The following PALM variants were observed in gnomAD, a reference collection of about 807,000 sequenced individuals.
PALM encodes paralemmin, also known as paralemmin-1.
A neutral mutation model predicts 30.7 loss-of-function variants in PALM; 18 were observed. The ratio of observed to expected loss-of-function variants is 0.59; its 90% CI spans 0.41 to 0.87. The LOEUF is 0.87. PALM is among the 40% of genes least tolerant of loss of function. PALM has a pLI of 0.00. For synonymous variants in PALM, 286 were observed against 242.8 expected, an observed-to-expected ratio of 1.18 and a Z score of -1.66; for missense variants, 529 against 555.4, an observed-to-expected ratio of 0.95 and a Z score of 0.48.
intron 3 of PALM, 90 bp from the exon 4 acceptor site, chr19:727,474 C>T (rs2032723681): frequency 9.9e-6 from 11 of 1,105,734 alleles, no homozygotes; most frequent in South Asian, 5.4e-5. Context: ...GCCTCAACCC[C>T]GACCCTGATC....
intron 1 of PALM, among the ~76,000 whole-genome samples, chr19:718,325 G>T (rs1443853627): frequency 6.6e-6 from 1 of 152,254 alleles, no homozygotes; most frequent in Non-Finnish European, 1.5e-5. Flanking sequence ...GCCCGGGGAG[G>T]TCTGGGTGAC....
intron 1 of PALM, among the ~76,000 whole-genome samples, chr19:716,816 A>G (rs2032276670): frequency 6.6e-6 from 1 of 152,154 alleles, no homozygotes; most frequent in African/African-American, 2.4e-5. Context: ...ACAGGTATGT[A>G]TACACACGTC....
intron 1 of PALM, among the ~76,000 whole-genome samples, chr19:713,875 C>A (rs2032164884): frequency 6.6e-6 from 1 of 150,844 alleles, no homozygotes; most frequent in South Asian, 2.1e-4. Flanking sequence ...AGCCACCATG[C>A]CCAGCCTATG....
chr19:710,219 A>T (rs2032026817), intron 1 of PALM, among the ~76,000 whole-genome samples: 1 of 151,706 alleles, frequency 6.6e-6, no homozygotes, highest in South Asian at 2.1e-4. Context: ...TTCCCCGGGG[A>T]TTCACCCGTG....
intron 1 of PALM, chr19:722,758 G>A (rs1226219911): frequency 6.6e-6 from 1 of 152,294 alleles, no homozygotes; most frequent in Non-Finnish European, 1.5e-5. Context: ...TGGCTATTCA[G>A]GAAGGGCCCC....
chr19:713,699 C>T (rs1219473478), intron 1 of PALM, among the ~76,000 whole-genome samples: 1 of 151,962 alleles, frequency 6.6e-6, no homozygotes, highest in Non-Finnish European at 1.5e-5. Context: ...ATGCCTCAGC[C>T]TCCCAAGCCG....
rs368819611 is a variant in PALM, at chr19:734,109, A to G, written c.421-64A>G. ...ATGCCCTCCCCAGGCTCCTGACCCC[A>G]TGGCTCCCCTTCCTCTTCCCGGGGA... is the stretch of plus-strand genomic sequence containing the variant. On this transcript the variant is annotated intron_variant, in intron 5 of 8. Coordinates refer to ENST00000338448, the MANE Select transcript of PALM (RefSeq NM_002579.3). 63 of 1,551,666 alleles carry G rather than the reference A, an allele frequency of 4.1e-5. No individual in the cohort carries two copies. In the African/African-American group the frequency reaches 6.0e-4, roughly 15 times the overall value.
chr19:733,974 G>A (rs958810663), intron 5 of PALM, among the ~76,000 whole-genome samples, 199 bp from the exon 6 acceptor site: 7 of 152,086 alleles, frequency 4.6e-5, no homozygotes, highest in African/African-American at 9.7e-5. Flanking sequence ...CGACAAGAGC[G>A]AAACTCCATC....
At chr19:740,842 A>T (rs1458563024) in intron 8 of PALM, among the ~76,000 whole-genome samples, 1 of 152,148 alleles carries the variant, frequency 6.6e-6, no homozygotes, top group African/African-American at 2.4e-5. Context: ...ATTCGTTTAA[A>T]TAATTACTGC....
At chr19:737,140 C>T (rs1037703849) in intron 7 of PALM, among the ~76,000 whole-genome samples, 52 of 152,290 alleles carry the variant, frequency 3.4e-4, no homozygotes, top group African/African-American at 1.2e-3. Flanking sequence ...GAGAGCCACC[C>T]GGAGGCCCAG....
intron 1 of PALM, among the ~76,000 whole-genome samples, chr19:712,269 T>G (rs995095225): frequency 4.3e-4 from 66 of 151,770 alleles, no homozygotes; most frequent in African/African-American, 1.5e-3. Flanking sequence ...GTGATCCGCC[T>G]GCCTCGGCCT....
chr19:714,446 C>T (rs1181829075), intron 1 of PALM, among the ~76,000 whole-genome samples: 1 of 148,844 alleles, frequency 6.7e-6, no homozygotes, highest in Non-Finnish European at 1.5e-5. Flanking sequence ...GCAAGCTCTG[C>T]CTCCCAGGTT....
At chr19:719,414 A>T in intron 1 of PALM, 5 of 985,118 alleles carry the variant, frequency 5.1e-6, no homozygotes, top group Non-Finnish European at 6.0e-6. Context: ...AGCCGCCCAC[A>T]CCGCCACACG....
At chr19:736,137 G>A (rs1016654520) in intron 7 of PALM, 59 bp downstream of exon 7, 26 of 1,310,132 alleles carry the variant, frequency 2.0e-5, no homozygotes, top group Non-Finnish European at 2.5e-5. Flanking sequence ...ACCAAGTCTC[G>A]GTCCGGGGGG....
chr19:721,045 C>T (rs1272930751), intron 1 of PALM, among the ~76,000 whole-genome samples: 1 of 152,288 alleles, frequency 6.6e-6, no homozygotes, highest in South Asian at 2.1e-4. Flanking sequence ...CCACGCTGTG[C>T]CCTCCCTGGA....
intron 1 of PALM, among the ~76,000 whole-genome samples, chr19:716,593 G>C (rs894441354): frequency 6.6e-6 from 1 of 152,086 alleles, no homozygotes; most frequent in Non-Finnish European, 1.5e-5. Context: ...GAGGGACAGA[G>C]GCCCAGGGTT....
rs1599128943 is a variant in PALM at position 709,772 on chromosome 19, G to A, written c.5+621G>A. 1.3e-5 allele frequency among the ~76,000 whole-genome samples: 2 copies of A among 152,330 alleles called. No homozygotes were observed. Among genetic ancestry groups the A allele is most frequent in the East Asian group, 1.9e-4 (1 of 5,172 alleles). On this transcript the variant is annotated intron_variant, in intron 1 of 8. Transcript: ENST00000338448. This position sits in a 1 kb window ranked among gnomAD's most constrained non-coding sequence, Gnocchi z 4.3. ...GGTGTGTGAGAAGGGAGAGGAACCG[G>A]CGTTTTCCAGCGGGGCGCCTGGGTG...
chr19:714,194 C>T (rs562148839), intron 1 of PALM, among the ~76,000 whole-genome samples: 2 of 151,424 alleles, frequency 1.3e-5, no homozygotes, highest in African/African-American at 2.4e-5. Flanking sequence ...CGTGAGCCAC[C>T]GCGCCCGGCT....
intron 1 of PALM, among the ~76,000 whole-genome samples, chr19:720,535 G>T (rs1470353333): frequency 7.1e-6 from 1 of 141,256 alleles, no homozygotes; most frequent in Non-Finnish European, 1.6e-5. Flanking sequence ...GGGGAGGGGC[G>T]AGAGGGGCGC....
Sources: gnomAD v4.1 joint callset for allele counts (sites outside exome capture counted in the v4.1 genomes callset) on GRCh38, gnomAD v4.1.1 for gene constraint, Gnocchi (gnomAD v3.1) non-coding constraint, MANE v1.5 for transcripts, NCBI Gene and HGNC (gene_info 2026-07-23, HGNC 2026-07-21) for gene names.